The following JMJD1C variants were observed in gnomAD, a reference collection of about 807,000 sequenced individuals.
JMJD1C encodes the protein jumonji domain containing 1C.
In JMJD1C, 31 loss-of-function variants were observed where a neutral mutation model predicts 245.3. The ratio of observed to expected loss-of-function variants is 0.13; its 90% CI spans 0.09 to 0.17. The LOEUF (loss-of-function observed/expected upper bound fraction) is 0.17, where lower values mean the gene tolerates loss of function less well. Among genes scored for constraint, JMJD1C ranks in the 10% least tolerant of loss-of-function variants. The pLI, the probability that JMJD1C is intolerant of heterozygous loss-of-function variation, is 1.00. For synonymous variants in JMJD1C, 1,057 were observed against 1,017.4 expected (o/e 1.04, Z -0.74); for missense variants, 2,691 against 3,000.2 (o/e 0.90, Z 2.41).
chr10:63,364,281 T>C (rs1257477392), intron 2 of JMJD1C, among the ~76,000 whole-genome samples: 4 of 152,126 alleles, frequency 2.6e-5, no homozygotes, highest in African/African-American at 4.8e-5. Flanking sequence ...AGTGCTGGGA[T>C]TGGAGTGGGC....
At chr10:63,246,939 G>T (rs183599944) in intron 3 of JMJD1C, among the ~76,000 whole-genome samples, 1 of 151,024 alleles carries the variant, frequency 6.6e-6, no homozygotes, top group Non-Finnish European at 1.5e-5. Context: ...TGGCAAAAGC[G>T]ATACTAAGAG....
At chr10:63,198,779 T>C in intron 11 of JMJD1C, 52 bp from the exon 12 acceptor site, 2 of 1,057,428 alleles carry the variant, frequency 1.9e-6, no homozygotes, top group South Asian at 3.4e-5. Context: ...AAAACATAAG[T>C]CCAGTCTTTA....
At chr10:63,515,081 C>T (rs1954978627) in intron 1 of JMJD1C, among the ~76,000 whole-genome samples, 1 of 152,094 alleles carries the variant, frequency 6.6e-6, no homozygotes, top group Non-Finnish European at 1.5e-5. Flanking sequence ...TAGACTGTGA[C>T]CTTCCACCAG....
chr10:63,338,335 T>C (rs1943038822), intron 2 of JMJD1C, among the ~76,000 whole-genome samples: 1 of 152,128 alleles, frequency 6.6e-6, no homozygotes, highest in Admixed American at 6.5e-5. Flanking sequence ...AGTTTCACCA[T>C]GTTGCCCAGG....
At chr10:63,283,262 T>C (rs1857603628) in intron 2 of JMJD1C, among the ~76,000 whole-genome samples, 1 of 152,148 alleles carries the variant, frequency 6.6e-6, no homozygotes, top group South Asian at 2.1e-4. Flanking sequence ...TCTGAGCAAA[T>C]AAACTTCTTT....
At chr10:63,518,083 G>A (rs867974259) in intron 1 of JMJD1C, among the ~76,000 whole-genome samples, 11 of 152,054 alleles carry the variant, frequency 7.2e-5, no homozygotes, top group African/African-American at 1.4e-4. Context: ...ATGAGCCACC[G>A]CACCCAGCAT....
chr10:63,327,766 T>G (rs1175301378), intron 2 of JMJD1C, among the ~76,000 whole-genome samples: 1 of 152,020 alleles, frequency 6.6e-6, no homozygotes, highest in Non-Finnish European at 1.5e-5. Flanking sequence ...CCTCCCAGAT[T>G]CAAGCGATTC....
At chr10:63,298,627 C>T (rs928896708) in intron 2 of JMJD1C, among the ~76,000 whole-genome samples, 1 of 152,172 alleles carries the variant, frequency 6.6e-6, no homozygotes, top group Non-Finnish European at 1.5e-5. Flanking sequence ...CTATATACTA[C>T]AAGTATTAGG....
intron 2 of JMJD1C, among the ~76,000 whole-genome samples, chr10:63,351,290 G>A (rs990363511): frequency 6.6e-6 from 1 of 151,784 alleles, no homozygotes; most frequent in African/African-American, 2.4e-5. Flanking sequence ...TATTCACAAT[G>A]TTGGCCAGGC....
intron 2 of JMJD1C, among the ~76,000 whole-genome samples, chr10:63,336,308 A>G (rs939205867): frequency 6.6e-6 from 1 of 152,038 alleles, no homozygotes; most frequent in African/African-American, 2.4e-5. Flanking sequence ...CAAAAATACA[A>G]TTAGCTGGAC....
At chr10:63,385,657 G>A (rs1427947317) in intron 1 of JMJD1C, among the ~76,000 whole-genome samples, 1 of 151,360 alleles carries the variant, frequency 6.6e-6, no homozygotes, top group Non-Finnish European at 1.5e-5. Context: ...TATTGTTCAG[G>A]CTGGTCTCAA....
At chr10:63,510,126 C>T (rs1164747718) in intron 1 of JMJD1C, among the ~76,000 whole-genome samples, 1 of 151,974 alleles carries the variant, frequency 6.6e-6, no homozygotes, top group Admixed American at 6.6e-5. Flanking sequence ...CCTCGGCACC[C>T]CCAAGTAGCT....
At chr10:63,328,782 G>GT (rs1169358644) in intron 2 of JMJD1C, among the ~76,000 whole-genome samples, 1 of 152,176 alleles carries the variant, frequency 6.6e-6, no homozygotes, top group Admixed American at 6.5e-5. Context: ...GTCTAACTCA[G>GT]TTTAATATGT....
At chr10:63,413,052 A>C (rs1949580296) in intron 1 of JMJD1C, among the ~76,000 whole-genome samples, 1 of 152,158 alleles carries the variant, frequency 6.6e-6, no homozygotes, top group Admixed American at 6.5e-5. Flanking sequence ...CAATACCACA[A>C]AGTAGTTGCT....
At chr10:63,300,815 C>T (rs934024800) in intron 2 of JMJD1C, among the ~76,000 whole-genome samples, 4 of 151,718 alleles carry the variant, frequency 2.6e-5, no homozygotes, top group Non-Finnish European at 5.9e-5. Context: ...TCACTCGAAC[C>T]CGGGAGAAAG....
At chr10:63,302,600 T>C (rs1165730233) in intron 2 of JMJD1C, among the ~76,000 whole-genome samples, 2 of 152,262 alleles carry the variant, frequency 1.3e-5, no homozygotes, top group African/African-American at 2.4e-5. Context: ...CTTGGAACTA[T>C]GTTTTTACTT....
chr10:63,417,510 C>T (rs1055139675), intron 1 of JMJD1C, among the ~76,000 whole-genome samples: 1 of 152,100 alleles, frequency 6.6e-6, no homozygotes. Context: ...AAACACTTTG[C>T]CCAATGGCCC....
intron 1 of JMJD1C, among the ~76,000 whole-genome samples, chr10:63,478,881 A>C (rs928536305): frequency 9.9e-5 from 15 of 152,124 alleles, no homozygotes; most frequent in African/African-American, 3.4e-4. Flanking sequence ...CTGGAGGATC[A>C]CTTGAGCCCA....
At chr10:63,401,390 T>G (rs1948845828) in intron 1 of JMJD1C, among the ~76,000 whole-genome samples, 1 of 152,068 alleles carries the variant, frequency 6.6e-6, no homozygotes, top group African/African-American at 2.4e-5. Flanking sequence ...TAAAAATATT[T>G]GGGTTTCTTT....
Sources: gnomAD v4.1 joint callset for allele counts (sites outside exome capture counted in the v4.1 genomes callset) on GRCh38, gnomAD v4.1.1 for gene constraint, MANE v1.5 for transcripts, NCBI Gene and HGNC (gene_info 2026-07-23, HGNC 2026-07-21) for gene names.